Variants in NLGN1 observed in about 807,000 individuals in gnomAD.
NLGN1 encodes the protein neuroligin 1, also known as neuroligin-1.
NLGN1 carries 12 observed loss-of-function variants against 65.5 expected under a neutral mutation model. The observed-to-expected ratio is 0.18, with a 90% CI of 0.12 to 0.30. NLGN1 has a LOEUF of 0.30. Ranked by LOEUF, NLGN1 falls within the 10% of genes least tolerant of loss-of-function variation. The pLI, the probability that NLGN1 is intolerant of heterozygous loss-of-function variation, is 1.00. For missense variants in NLGN1, 750 were observed against 1,007.1 expected, an observed-to-expected ratio of 0.74 and a Z score of 3.46; for synonymous variants, 350 against 359.5, an observed-to-expected ratio of 0.97 and a Z score of 0.30.
At chr3:173,799,633 G>A (rs1201457815) in intron 3 of NLGN1, among the ~76,000 whole-genome samples, 1 of 151,882 alleles carries the variant, frequency 6.6e-6, no homozygotes, top group Admixed American at 6.6e-5. Context: ...TGAGTGATGA[G>A]ACTATTTAGT....
intron 2 of NLGN1, among the ~76,000 whole-genome samples, chr3:173,470,189 A>G (rs1305520289): frequency 6.6e-6 from 1 of 151,974 alleles, no homozygotes; most frequent in Non-Finnish European, 1.5e-5. Context: ...TAAACAGAGA[A>G]ATCTCTTAAC....
intron 2 of NLGN1, among the ~76,000 whole-genome samples, chr3:173,558,051 C>T (rs1741998096): frequency 1.3e-5 from 2 of 151,846 alleles, no homozygotes; most frequent in South Asian, 2.1e-4. Context: ...CTTTCTCCAC[C>T]TTAAAGATAC....
chr3:173,668,237 C>T (rs549026487), intron 3 of NLGN1, among the ~76,000 whole-genome samples: 4 of 152,230 alleles, frequency 2.6e-5, no homozygotes, highest in African/African-American at 9.6e-5. Context: ...AAGAGACAGT[C>T]GCCAAGTCTT....
At chr3:173,553,034 A>C (rs866808486) in intron 2 of NLGN1, among the ~76,000 whole-genome samples, 1 of 152,124 alleles carries the variant, frequency 6.6e-6, no homozygotes, top group Non-Finnish European at 1.5e-5. Context: ...GTTTTAGTAA[A>C]ATTCTCAGGT....
chr3:173,903,536 T>C lies in NLGN1; in HGVS notation c.646+95704T>C, dbSNP rs548576280. On this transcript the variant is annotated intron_variant, in intron 4 of 6. Coordinates refer to ENST00000457714, the Ensembl canonical transcript of NLGN1. ...TTTAACAAGTAATGCTCTATACTAC[T>C]GCATTTTCCTATTTGTTACTAGAGG... is the stretch of plus-strand genomic sequence containing the variant. Among the ~76,000 whole-genome samples the C allele has an allele frequency of 1.2e-4, 19 of 152,332 alleles. No individual in the cohort carries two copies. In the East Asian group the frequency reaches 2.7e-3, roughly 22 times the overall value.
chr3:173,520,774 T>C (rs1223613928), intron 2 of NLGN1, among the ~76,000 whole-genome samples: 2 of 152,202 alleles, frequency 1.3e-5, no homozygotes, highest in Non-Finnish European at 2.9e-5. Context: ...TGGTTTTAGG[T>C]AACCCAGATA....
At chr3:173,478,649 A>G (rs1302784434) in intron 2 of NLGN1, among the ~76,000 whole-genome samples, 1 of 152,186 alleles carries the variant, frequency 6.6e-6, no homozygotes, top group Non-Finnish European at 1.5e-5. Context: ...GGCTGGGCAC[A>G]TTGGCTCACA....
chr3:173,726,970 A>C (rs1771915601), intron 3 of NLGN1, among the ~76,000 whole-genome samples: 1 of 152,006 alleles, frequency 6.6e-6, no homozygotes, highest in Non-Finnish European at 1.5e-5. Context: ...GAAGAAGAAG[A>C]AAAAATAATC....
intron 2 of NLGN1, among the ~76,000 whole-genome samples, chr3:173,568,450 C>T (rs966310197): frequency 1.2e-4 from 18 of 152,042 alleles, no homozygotes; most frequent in African/African-American, 4.3e-4. Flanking sequence ...GCCAGGCTGC[C>T]CTCGAACTCC....
At chr3:173,773,533 C>T (rs1779881473) in intron 3 of NLGN1, among the ~76,000 whole-genome samples, 1 of 151,916 alleles carries the variant, frequency 6.6e-6, no homozygotes, top group African/African-American at 2.4e-5. Context: ...TTTAACTTAC[C>T]TGTTTGTAAT....
chr3:173,974,930 A>T (rs898237010), intron 4 of NLGN1, among the ~76,000 whole-genome samples: 2 of 152,080 alleles, frequency 1.3e-5, no homozygotes, highest in Non-Finnish European at 2.9e-5. Context: ...TTGATTCAAG[A>T]GCCAATAACC....
chr3:173,636,654 A>G (rs898627542), intron 3 of NLGN1, among the ~76,000 whole-genome samples: 1 of 152,100 alleles, frequency 6.6e-6, no homozygotes, highest in Non-Finnish European at 1.5e-5. Context: ...AAACATGATT[A>G]TTTTAAACTT....
chr3:173,474,587 G>A (rs1222983624), intron 2 of NLGN1, among the ~76,000 whole-genome samples: 2 of 152,178 alleles, frequency 1.3e-5, no homozygotes, highest in Non-Finnish European at 2.9e-5. Flanking sequence ...TGATTAATAT[G>A]TATGTACTGA....
chr3:174,278,847 T>C lies in NLGN1; in HGVS notation c.860-14T>C, dbSNP rs1751067565. On this transcript the variant is annotated splice_polypyrimidine_tract_variant and intron_variant, in intron 5 of 6. Coordinates refer to ENST00000457714, the Ensembl canonical transcript of NLGN1. ...CCAAAGATCATCTAAAATTCTTTGTTGATTTTCCCATAGGACTTTTTCAAC... is the reference window on the plus strand; with the variant it reads ...CCAAAGATCATCTAAAATTCTTTGTCGATTTTCCCATAGGACTTTTTCAAC... The C allele has an allele frequency of 6.8e-7, 1 of 1,470,496 alleles. No individual in the cohort carries two copies. The highest frequency in any genetic ancestry group is 9.0e-7 in the Non-Finnish European group (1 of 1,111,542). The allele number at this position is 1,470,496 out of a possible 1,614,324, so 91.1% of individuals were successfully genotyped here. A position where few individuals can be genotyped will look rare whatever the true frequency, so the allele number is the denominator to read the frequency against.
chr3:173,801,030 T>G (rs1468882505), intron 3 of NLGN1, among the ~76,000 whole-genome samples: 2 of 151,964 alleles, frequency 1.3e-5, no homozygotes, highest in Admixed American at 1.3e-4. Context: ...GTAGCTATTT[T>G]CTTAGACAAG....
In NLGN1 at chr3:173,944,124, G is replaced by GTT. The variant is rs34721217; in HGVS notation, c.646+136292_646+136293insTT. On this transcript the variant is annotated intron_variant, in intron 4 of 6. Coordinates refer to ENST00000457714, the Ensembl canonical transcript of NLGN1. ...TTTTAAATGTCCAGTTAATATTATG[G>GTT]GTGTGTGTGTGTGTGTGTGTGTGTG... Among the ~76,000 whole-genome samples the GTT allele has an allele frequency of 3.5e-3, 495 of 139,584 alleles. 2 individuals are homozygous for GTT. Among genetic ancestry groups the GTT allele is most frequent in the East Asian group, 0.015 (75 of 4,862 alleles). The allele number at this position is 139,584 out of a possible 152,430, so 91.6% of individuals were successfully genotyped here.
At chr3:174,262,075 A>G (rs1049762783) in intron 4 of NLGN1, among the ~76,000 whole-genome samples, 2 of 128,246 alleles carry the variant, frequency 1.6e-5, no homozygotes, top group African/African-American at 6.6e-5. Context: ...GTGCTGCTGG[A>G]TTCGTTTTGC....
rs571057944 is a variant in NLGN1, at chr3:174,080,922, G to GGTGTGTGTGTGTGTGTGTGTGT, written c.647-194379_647-194358dup. ...AATTTGATGGTCGCCTGACATTCCT[G>GGTGTGTGTGTGTGTGTGTGTGT]GTGTGTGTGTGTGTGTGTGTGTGTG... is the stretch of plus-strand genomic sequence containing the variant. On this transcript the variant is annotated intron_variant, in intron 4 of 6. Transcript: ENST00000457714. 1.5e-3 allele frequency among the ~76,000 whole-genome samples: 212 copies of GGTGTGTGTGTGTGTGTGTGTGT among 141,258 alleles called. 2 individuals are homozygous for GGTGTGTGTGTGTGTGTGTGTGT. The highest frequency in any genetic ancestry group is 4.1e-3 in the African/African-American group (153 of 37,434). 92.7% of individuals were successfully genotyped at this position (141,258 alleles called of 152,430 possible).
intron 4 of NLGN1, among the ~76,000 whole-genome samples, chr3:173,971,746 A>G (rs997228802): frequency 6.6e-6 from 1 of 152,084 alleles, no homozygotes; most frequent in Non-Finnish European, 1.5e-5. Context: ...TTCCTAACTC[A>G]TACCAAAAAG....
Sources: allele counts gnomAD v4.1 joint callset (sites outside exome capture counted in the v4.1 genomes callset), GRCh38; gene constraint gnomAD v4.1.1; transcripts MANE v1.5; gene names NCBI Gene and HGNC (gene_info 2026-07-23, HGNC 2026-07-21).